Variants in PLOD2 observed in about 807,000 individuals in gnomAD.
The protein encoded by PLOD2 is procollagen-lysine,2-oxoglutarate 5-dioxygenase 2.
A neutral mutation model predicts 101.0 loss-of-function variants in PLOD2; 65 were observed. The ratio of observed to expected loss-of-function variants is 0.64; its 90% CI spans 0.53 to 0.79. PLOD2 has a LOEUF of 0.79. Among genes scored for constraint, PLOD2 ranks in the 30% least tolerant of loss-of-function variants. PLOD2 has a pLI of 0.00. For synonymous variants in PLOD2, 314 were observed against 302.9 expected, an observed-to-expected ratio of 1.04 and a Z score of -0.38; for missense variants, 909 against 914.6, an observed-to-expected ratio of 0.99 and a Z score of 0.08.
At chr3:146,096,492 C>T (rs369745680) in intron 7 of PLOD2, among the ~76,000 whole-genome samples, 1 of 106,576 alleles carries the variant, frequency 9.4e-6, no homozygotes, top group African/African-American at 3.9e-5. Context: ...CGTCTCTGCC[C>T]GGCCGCCCAT....
At chr3:146,070,974 A>AAGGC (rs1936104262) in intron 19 of PLOD2, 68 bp downstream of exon 19, 1 of 1,522,646 alleles carries the variant, frequency 6.6e-7, no homozygotes, top group African/African-American at 1.4e-5. Context: ...ACTAAGGCCT[A>AAGGC]AGGCAAAGTC....
At chr3:146,123,400 C>T in intron 2 of PLOD2, 2 of 343,922 alleles carry the variant, frequency 5.8e-6, no homozygotes, top group Middle Eastern at 8.4e-4. Context: ...ATCAATTTCC[C>T]CAAGTTTCCT....
At chr3:146,121,030 T>C in intron 3 of PLOD2, 82 bp downstream of exon 3, 1 of 1,146,500 alleles carries the variant, frequency 8.7e-7, no homozygotes, top group South Asian at 1.2e-5. Context: ...CATATTTTAA[T>C]ACATCATCTA....
intron 7 of PLOD2, among the ~76,000 whole-genome samples, chr3:146,099,862 G>C (rs934615132): frequency 6.7e-6 from 1 of 149,196 alleles, no homozygotes; most frequent in Admixed American, 6.7e-5. Flanking sequence ...TTTGCCTAGG[G>C]AAAGTTACAG....
At chr3:146,152,415 G>A (rs980394953) in intron 1 of PLOD2, among the ~76,000 whole-genome samples, 10 of 151,332 alleles carry the variant, frequency 6.6e-5, no homozygotes, top group East Asian at 1.9e-4. Flanking sequence ...GCAAGACTCC[G>A]TCTCAAAAAA....
intron 10 of PLOD2, 185 bp downstream of exon 10, chr3:146,086,602 C>T: frequency 2.7e-6 from 1 of 364,618 alleles, no homozygotes; most frequent in Non-Finnish European, 4.9e-6. Flanking sequence ...ACATAAGTAA[C>T]TTCTACAGCC....
At chr3:146,118,547 T>C (rs1938027908) in intron 3 of PLOD2, among the ~76,000 whole-genome samples, 1 of 152,100 alleles carries the variant, frequency 6.6e-6, no homozygotes, top group South Asian at 2.1e-4. Flanking sequence ...TAAAAAGACC[T>C]TCCTAAGTTA....
At chr3:146,143,102 CTAGAGT>C (rs2031605117) in intron 1 of PLOD2, among the ~76,000 whole-genome samples, 1 of 152,018 alleles carries the variant, frequency 6.6e-6, no homozygotes, top group Admixed American at 6.6e-5. Flanking sequence ...GGCCTACTTC[CTAGAGT>C]TAAACACTCC....
chr3:146,134,386 T>C (rs1404064387), intron 1 of PLOD2, among the ~76,000 whole-genome samples: 1 of 152,210 alleles, frequency 6.6e-6, no homozygotes, highest in Non-Finnish European at 1.5e-5. Context: ...ATATACTAGA[T>C]ATAATTTTAA....
intron 1 of PLOD2, among the ~76,000 whole-genome samples, chr3:146,149,932 G>GA (rs1347423165): frequency 2.6e-5 from 4 of 151,714 alleles, no homozygotes; most frequent in Non-Finnish European, 5.9e-5. Context: ...AAAATAGCCA[G>GA]AAAAAAAAGC....
chr3:146,102,424 G>A (rs1023978355), intron 7 of PLOD2, among the ~76,000 whole-genome samples: 5 of 152,134 alleles, frequency 3.3e-5, no homozygotes, highest in African/African-American at 1.2e-4. Flanking sequence ...TGAAACAAAT[G>A]ATCTCTTAAT....
chr3:146,119,673 A>G (rs1461117801), intron 3 of PLOD2, among the ~76,000 whole-genome samples: 2 of 151,238 alleles, frequency 1.3e-5, no homozygotes, highest in African/African-American at 2.4e-5. Flanking sequence ...ATTCCCACCT[A>G]TGAGTGAGAA....
chr3:146,092,860 T>C (rs775472832), intron 7 of PLOD2, among the ~76,000 whole-genome samples: 21 of 152,162 alleles, frequency 1.4e-4, no homozygotes, highest in Non-Finnish European at 2.9e-4. Flanking sequence ...TCTGCAATTT[T>C]AATACCCAGT....
intron 5 of PLOD2, 81 bp downstream of exon 5, chr3:146,106,451 T>C: frequency 1.3e-6 from 1 of 781,404 alleles, no homozygotes; most frequent in South Asian, 1.4e-5. Flanking sequence ...AAACCTTTGT[T>C]TCTGACCACT....
At chr3:146,118,211 T>TA (rs1246984246) in intron 3 of PLOD2, among the ~76,000 whole-genome samples, 1 of 151,850 alleles carries the variant, frequency 6.6e-6, no homozygotes, top group African/African-American at 2.4e-5. Flanking sequence ...TTTCTAAGTG[T>TA]AAAAAAAATA....
At chr3:146,132,008 T>C (rs1320369342) in intron 1 of PLOD2, among the ~76,000 whole-genome samples, 1 of 151,892 alleles carries the variant, frequency 6.6e-6, no homozygotes, top group Non-Finnish European at 1.5e-5. Flanking sequence ...AGAGGGGCAA[T>C]GGTATGCTTA....
rs1936337610 is a variant in PLOD2 at position 146,076,454 on chromosome 3, C to CTAT, written c.1677+325_1677+327dup. 3 of 190,700 alleles carry CTAT rather than the reference C, an allele frequency of 1.6e-5. No individual in the cohort carries two copies. The Admixed American group carries it at 1.7e-4, about 11-fold the overall frequency. 11.8% of individuals were successfully genotyped at this position (190,700 alleles called of 1,614,324 possible). Reference sequence around the variant, plus strand: ...GGTCAAATGACTTACTTTCTTTTGGCTATATACCCAGTAATGGAATTGCTG... The same window carrying CTAT: ...GGTCAAATGACTTACTTTCTTTTGGCTATTATATACCCAGTAATGGAATTGCTG... On this transcript the variant is annotated intron_variant, in intron 15 of 19. Transcript: ENST00000282903.
chr3:146,155,585 G>A (rs1459289931), intron 1 of PLOD2, among the ~76,000 whole-genome samples: 2 of 150,866 alleles, frequency 1.3e-5, no homozygotes, highest in African/African-American at 2.4e-5. Context: ...GCATGGTGGC[G>A]GGCACCTGTA....
At chr3:146,071,792 A>G (rs1375589) in intron 17 of PLOD2, among the ~76,000 whole-genome samples, 145,957 of 151,670 alleles carry the variant, frequency 0.96, 70,394 homozygotes, top group Non-Finnish European at 0.99. Context: ...GCATACACTT[A>G]GCATATCTGC....
Sources: gnomAD v4.1 joint callset for allele counts (sites outside exome capture counted in the v4.1 genomes callset) on GRCh38, gnomAD v4.1.1 for gene constraint, MANE v1.5 for transcripts, NCBI Gene and HGNC (gene_info 2026-07-23, HGNC 2026-07-21) for gene names.